SSBP2: variants seen among roughly 807,000 people sequenced by gnomAD.
The protein encoded by SSBP2 is single-stranded DNA-binding protein 2.
A neutral mutation model predicts 61.8 loss-of-function variants in SSBP2; 17 were observed. The ratio of observed to expected loss-of-function variants is 0.28; its 90% CI spans 0.19 to 0.41. The LOEUF is 0.41. Among genes scored for constraint, SSBP2 ranks in the 10% least tolerant of loss-of-function variants. The pLI, the probability that SSBP2 is intolerant of heterozygous loss-of-function variation, is 1.00. For synonymous variants in SSBP2, 139 were observed against 141.3 expected (o/e 0.98, Z 0.12); for missense variants, 310 against 458.7 (o/e 0.68, Z 2.96).
intron 8 of SSBP2, among the ~76,000 whole-genome samples, chr5:81,471,141 A>G (rs568913135): frequency 6.6e-6 from 1 of 151,880 alleles, no homozygotes; most frequent in Non-Finnish European, 1.5e-5. Flanking sequence ...ATCATATTAT[A>G]TAGAAATAGT....
At chr5:81,710,172 G>C (rs1316247301) in intron 1 of SSBP2, among the ~76,000 whole-genome samples, 3 of 151,944 alleles carry the variant, frequency 2.0e-5, no homozygotes, top group Non-Finnish European at 4.4e-5. Flanking sequence ...CAAGCTTATA[G>C]GACACAATGG....
At chr5:81,551,350 CA>C (rs1278259351) in intron 4 of SSBP2, among the ~76,000 whole-genome samples, 1 of 152,088 alleles carries the variant, frequency 6.6e-6, no homozygotes, top group Non-Finnish European at 1.5e-5. Context: ...AGATATTCAA[CA>C]TAAGCATAAT....
intron 1 of SSBP2, among the ~76,000 whole-genome samples, chr5:81,690,717 A>G (rs559540642): frequency 3.1e-4 from 47 of 152,262 alleles, no homozygotes; most frequent in African/African-American, 1.1e-3. Context: ...CTATAGGCCA[A>G]ATGGACCTAA....
At chr5:81,624,056 C>T (rs1348367130) in intron 3 of SSBP2, among the ~76,000 whole-genome samples, 1 of 152,088 alleles carries the variant, frequency 6.6e-6, no homozygotes, top group African/African-American at 2.4e-5. Context: ...GTATTATTTT[C>T]CATACATTTA....
At chr5:81,684,066 T>A (rs1450435744) in intron 1 of SSBP2, among the ~76,000 whole-genome samples, 1 of 152,174 alleles carries the variant, frequency 6.6e-6, no homozygotes, top group African/African-American at 2.4e-5. Context: ...CTAAACACAT[T>A]CTTAACATAC....
rs765402818 is a variant in SSBP2, at chr5:81,636,554, T to C, written c.197+3A>G. The C allele has an allele frequency of 6.2e-6, 10 of 1,610,226 alleles. No homozygotes were observed. Among genetic ancestry groups the C allele is most frequent in the Non-Finnish European group, 8.5e-6 (10 of 1,177,764 alleles). ...CAGTAAAAATGGAATAAAGGATACT[T>C]ACCACCACCAAGAATGTAAGAATCC... On this transcript the variant is annotated splice_donor_region_variant and intron_variant, in intron 3 of 16. Coordinates refer to ENST00000320672, the MANE Select transcript of SSBP2 (RefSeq NM_012446.5).
At chr5:81,546,314 G>C (rs907434258) in intron 4 of SSBP2, among the ~76,000 whole-genome samples, 1 of 152,042 alleles carries the variant, frequency 6.6e-6, no homozygotes, top group Non-Finnish European at 1.5e-5. Context: ...TTGTATTCTT[G>C]ATCACTAATT....
At chr5:81,633,722 A>G (rs1747946951) in intron 3 of SSBP2, among the ~76,000 whole-genome samples, 1 of 152,146 alleles carries the variant, frequency 6.6e-6, no homozygotes, top group Non-Finnish European at 1.5e-5. Context: ...TGCCTGCTCA[A>G]CATCTCCACT....
intron 6 of SSBP2, among the ~76,000 whole-genome samples, chr5:81,488,506 T>G (rs1766602081): frequency 6.6e-6 from 1 of 152,122 alleles, no homozygotes; most frequent in South Asian, 2.1e-4. Flanking sequence ...CTATACCTGT[T>G]GGCCATTTTT....
intron 1 of SSBP2, among the ~76,000 whole-genome samples, chr5:81,664,889 T>C (rs1750981691): frequency 6.6e-6 from 1 of 152,190 alleles, no homozygotes; most frequent in African/African-American, 2.4e-5. Flanking sequence ...CAGTCTTATT[T>C]TCGGGTTCTC....
intron 5 of SSBP2, among the ~76,000 whole-genome samples, chr5:81,502,409 C>G (rs2154071996): frequency 6.6e-6 from 1 of 152,256 alleles, no homozygotes; most frequent in South Asian, 2.1e-4. Context: ...GTTAGAGTGT[C>G]CTGGGATCCA....
At chr5:81,665,722 C>T (rs138669118) in intron 1 of SSBP2, among the ~76,000 whole-genome samples, 161 of 152,280 alleles carry the variant, frequency 1.1e-3, no homozygotes, top group African/African-American at 3.8e-3. Flanking sequence ...CCAGGCTGGT[C>T]TTGAACTCCT....
At chr5:81,696,479 T>C (rs1443900080) in intron 1 of SSBP2, among the ~76,000 whole-genome samples, 3 of 152,122 alleles carry the variant, frequency 2.0e-5, no homozygotes, top group Non-Finnish European at 4.4e-5. Flanking sequence ...TCAAGGGGTA[T>C]GGAAGTTGGG....
intron 1 of SSBP2, among the ~76,000 whole-genome samples, chr5:81,670,028 CCA>C (rs1751475274): frequency 6.6e-6 from 1 of 152,014 alleles, no homozygotes; most frequent in Non-Finnish European, 1.5e-5. Flanking sequence ...GGGATGAAAG[CCA>C]CAGAATGCAG....
intron 4 of SSBP2, among the ~76,000 whole-genome samples, chr5:81,601,033 A>G (rs1031389713): frequency 2.0e-5 from 3 of 152,236 alleles, no homozygotes; most frequent in South Asian, 2.1e-4. Context: ...TGAAGTACTT[A>G]TATCAGTGCT....
chr5:81,420,458 GA>G lies in SSBP2; in HGVS notation c.*45del. 6.3e-7 allele frequency: 1 copy of G among 1,589,972 alleles called. No individual in the cohort carries two copies. The highest frequency in any genetic ancestry group is 8.6e-7 in the Non-Finnish European group (1 of 1,158,142). Reference sequence around the variant, plus strand: ...TAATTTTCTTCCGTAGTAGTTCTGTGAAGGGCTGACTCACTGTGGTTTTCAT... The same window carrying G: ...TAATTTTCTTCCGTAGTAGTTCTGTGAGGGCTGACTCACTGTGGTTTTCAT... On this transcript the variant is annotated 3_prime_UTR_variant, in exon 17 of 17. Transcript: ENST00000320672.
chr5:81,583,101 A>G (rs1039447428), intron 4 of SSBP2, among the ~76,000 whole-genome samples: 2 of 151,956 alleles, frequency 1.3e-5, no homozygotes, highest in African/African-American at 2.4e-5. Flanking sequence ...GGTGGTATGT[A>G]CCACCATGGG....
intron 4 of SSBP2, among the ~76,000 whole-genome samples, chr5:81,559,731 A>C (rs1280688431): frequency 2.6e-5 from 4 of 152,032 alleles, no homozygotes; most frequent in African/African-American, 7.2e-5. Flanking sequence ...CTACAGTAAT[A>C]ATTTGGTCTT....
At chr5:81,653,173 C>T (rs1012842809) in intron 1 of SSBP2, among the ~76,000 whole-genome samples, 12 of 152,086 alleles carry the variant, frequency 7.9e-5, no homozygotes, top group African/African-American at 2.4e-4. Context: ...GTTCAACTCC[C>T]ACTTATGACT....
Sources: allele counts gnomAD v4.1 joint callset (sites outside exome capture counted in the v4.1 genomes callset), GRCh38; gene constraint gnomAD v4.1.1; transcripts MANE v1.5; gene names NCBI Gene and HGNC (gene_info 2026-07-23, HGNC 2026-07-21).